TRHDE: variants seen among roughly 807,000 people sequenced by gnomAD.
TRHDE encodes thyrotropin releasing hormone degrading enzyme.
In TRHDE, 72 loss-of-function variants were observed where a neutral mutation model predicts 125.7. The ratio of observed to expected loss-of-function variants is 0.57; its 90% confidence interval spans 0.47 to 0.70. The LOEUF is 0.70. Among genes scored for constraint, TRHDE ranks in the 30% least tolerant of loss-of-function variants. The pLI is 0.00. For synonymous variants in TRHDE, 509 were observed against 509.1 expected, an observed-to-expected ratio of 1.00 and a Z score of 0.00; for missense variants, 1,110 against 1,327.1, an observed-to-expected ratio of 0.84 and a Z score of 2.54.
chr12:72,259,510 T>C (rs541301988), intron 2 of TRHDE, among the ~76,000 whole-genome samples: 4 of 152,272 alleles, frequency 2.6e-5, no homozygotes, highest in African/African-American at 4.8e-5. Flanking sequence ...AACTTGCTCA[T>C]TGCTGCTCAG....
chr12:72,459,928 AT>A (rs1230632765), intron 3 of TRHDE, among the ~76,000 whole-genome samples: 1 of 152,116 alleles, frequency 6.6e-6, no homozygotes, highest in Non-Finnish European at 1.5e-5. Context: ...GGTATCATCA[AT>A]TTTTTGTGCC....
rs189455931 is a variant in TRHDE at position 72,538,956 on chromosome 12, T to A, written c.1723-3335T>A. On this transcript the variant is annotated intron_variant, in intron 6 of 18. Coordinates refer to ENST00000261180, the MANE Select transcript of TRHDE (RefSeq NM_013381.3). ...CTCAATCTTATTTTCCATCTAATCT[T>A]CCATTTTCTGGTTTTATTTACTGTC... Among the ~76,000 whole-genome samples, 4 of 152,038 alleles carry A rather than the reference T, an allele frequency of 2.6e-5. No individual in the cohort carries two copies. In the East Asian group the frequency reaches 7.8e-4, roughly 29 times the overall value.
Position 72,621,654 on chromosome 12 carries a change from A to C in TRHDE, c.2578A>C (p.Arg860=). 1 of 1,605,932 alleles carries C rather than the reference A, an allele frequency of 6.2e-7. No individual in the cohort carries two copies. The highest frequency in any genetic ancestry group is 8.5e-7 in the Non-Finnish European group (1 of 1,176,516). ...QASYQHEELR[R]EVIMLACSFG... ...TTTGATGATATCTAGAGAACTACGTAGAGAAGTTATAATGCTGGCCTGCAG... is the reference window on the plus strand; with the variant it reads ...TTTGATGATATCTAGAGAACTACGTCGAGAAGTTATAATGCTGGCCTGCAG... Residue 860 remains arginine, a synonymous_variant, in exon 15 of 19, where the codon AGA becomes CGA. Transcript: ENST00000261180.
At chr12:72,601,557 A>G (rs1323774695) in intron 12 of TRHDE, among the ~76,000 whole-genome samples, 1 of 152,150 alleles carries the variant, frequency 6.6e-6, no homozygotes. Context: ...GTCTTATGCT[A>G]CAAAGACGTC....
At chr12:72,661,485 T>C (rs1874914666) in intron 18 of TRHDE, among the ~76,000 whole-genome samples, 1 of 152,196 alleles carries the variant, frequency 6.6e-6, no homozygotes, top group African/African-American at 2.4e-5. Context: ...TATAATATCA[T>C]ATTTTTATAA....
At chr12:72,114,353 AG>A (rs1409926841) in intron 2 of TRHDE, among the ~76,000 whole-genome samples, 1 of 152,194 alleles carries the variant, frequency 6.6e-6, no homozygotes, top group Non-Finnish European at 1.5e-5. Flanking sequence ...AACTGCTAAT[AG>A]CCTACTGTTG....
intron 2 of TRHDE, among the ~76,000 whole-genome samples, chr12:72,242,751 G>A (rs1878507143): frequency 6.6e-6 from 1 of 152,122 alleles, no homozygotes. Flanking sequence ...AATCTGACTG[G>A]TACTACTCAC....
At chr12:72,409,705 A>T (rs989139948) in intron 3 of TRHDE, among the ~76,000 whole-genome samples, 2 of 152,186 alleles carry the variant, frequency 1.3e-5, no homozygotes, top group African/African-American at 2.4e-5. Flanking sequence ...TGATTTGGAG[A>T]TGTGATTTAG....
intron 15 of TRHDE, 45 bp downstream of exon 15, chr12:72,621,796 C>T (rs974976375): frequency 7.2e-7 from 1 of 1,396,278 alleles, no homozygotes; most frequent in African/African-American, 1.5e-5. Context: ...TTTAATAGTG[C>T]TTTCAGAGTC....
intron 2 of TRHDE, among the ~76,000 whole-genome samples, chr12:72,349,431 G>A (rs1423139855): frequency 3.3e-5 from 5 of 151,942 alleles, no homozygotes; most frequent in African/African-American, 7.3e-5. Flanking sequence ...ATGCCTTTGG[G>A]ACTTTATTGA....
chr12:72,410,280 T>A (rs916135462), intron 3 of TRHDE, among the ~76,000 whole-genome samples: 1 of 152,014 alleles, frequency 6.6e-6, no homozygotes, highest in Non-Finnish European at 1.5e-5. Context: ...TACAAAGAAC[T>A]CTGAGTTGAA....
chr12:72,452,041 C>G (rs1424673511), intron 3 of TRHDE, among the ~76,000 whole-genome samples: 1 of 152,146 alleles, frequency 6.6e-6, no homozygotes, highest in African/African-American at 2.4e-5. Flanking sequence ...GTCGGCCAGG[C>G]TGGTCTCAAA....
In TRHDE at chr12:72,668,667, G is replaced by A. The variant is rs1419805117; in HGVS notation, c.*5472G>A. On this transcript the variant is annotated 3_prime_UTR_variant, in exon 19 of 19. Transcript: ENST00000261180. ...ACTAAATGCTAGGCACTTTATAGGT[G>A]TCTTCTAATATATGTCTATTGGTAT... 1 of 151,832 alleles carries A rather than the reference G, an allele frequency of 6.6e-6. No individual in the cohort carries two copies. The highest frequency in any genetic ancestry group is 1.5e-5 in the Non-Finnish European group (1 of 67,834). The allele number at this position is 151,832 out of a possible 1,614,324, so 9.4% of individuals were successfully genotyped here.
chr12:72,468,447 G>A (rs1175413243), intron 3 of TRHDE, among the ~76,000 whole-genome samples: 2 of 152,144 alleles, frequency 1.3e-5, no homozygotes, highest in African/African-American at 2.4e-5. Context: ...ATACCATAGC[G>A]AACATTCTTG....
intron 7 of TRHDE, among the ~76,000 whole-genome samples, chr12:72,552,907 G>C (rs1342163332): frequency 6.6e-6 from 1 of 152,160 alleles, no homozygotes; most frequent in African/African-American, 2.4e-5. Flanking sequence ...GATAATGTTG[G>C]AGAAGTGAGA....
chr12:72,523,485 C>G (rs756473737), intron 6 of TRHDE, among the ~76,000 whole-genome samples: 1 of 152,040 alleles, frequency 6.6e-6, no homozygotes, highest in African/African-American at 2.4e-5. Flanking sequence ...CTTATAGGTT[C>G]CTAGGGTAAA....
intron 2 of TRHDE, among the ~76,000 whole-genome samples, chr12:72,233,609 A>T (rs1292916199): frequency 6.6e-6 from 1 of 152,198 alleles, no homozygotes; most frequent in Non-Finnish European, 1.5e-5. Flanking sequence ...GAGTGAGTAG[A>T]CTAGGCCATT....
At chr12:72,292,318 A>G (rs1242614141) in intron 2 of TRHDE, among the ~76,000 whole-genome samples, 7 of 152,192 alleles carry the variant, frequency 4.6e-5, no homozygotes, top group African/African-American at 1.4e-4. Context: ...GTTTCTTACT[A>G]TGAGAATCAT....
intron 1 of TRHDE, among the ~76,000 whole-genome samples, chr12:72,099,611 G>A (rs1018493788): frequency 3.3e-5 from 5 of 152,172 alleles, no homozygotes; most frequent in African/African-American, 1.2e-4. Flanking sequence ...TCTCTTATTA[G>A]CATGTGGAAT....
Sources: allele counts gnomAD v4.1 joint callset (sites outside exome capture counted in the v4.1 genomes callset), GRCh38; gene constraint gnomAD v4.1.1; transcripts MANE v1.5; gene names NCBI Gene and HGNC (gene_info 2026-07-23, HGNC 2026-07-21).